The following DCDC1 variants were observed in gnomAD, a reference collection of about 807,000 sequenced individuals.
DCDC1 encodes the protein doublecortin domain containing 1.
DCDC1 carries 200 observed loss-of-function variants against 178.3 expected under a neutral mutation model. That is an observed-to-expected ratio of 1.12 (90% CI 1.00 to 1.26). The LOEUF (loss-of-function observed/expected upper bound fraction) is 1.26. DCDC1 is among the 50% of genes most tolerant of loss of function. The pLI, the probability that DCDC1 is intolerant of heterozygous loss-of-function variation, is 0.00. For synonymous variants in DCDC1, 690 were observed against 604.8 expected, an observed-to-expected ratio of 1.14 and a Z score of -2.07; for missense variants, 1,983 against 1,749.2, an observed-to-expected ratio of 1.13 and a Z score of -2.38.
At chr11:31,045,346 C>T (rs1054607279) in intron 20 of DCDC1, among the ~76,000 whole-genome samples, 2 of 151,388 alleles carry the variant, frequency 1.3e-5, no homozygotes, top group African/African-American at 4.9e-5. Flanking sequence ...AAATCCTTCC[C>T]TCTCCCTCAA....
intron 20 of DCDC1, among the ~76,000 whole-genome samples, chr11:31,028,127 A>G (rs1953363649): frequency 6.6e-6 from 1 of 152,058 alleles, no homozygotes; most frequent in Non-Finnish European, 1.5e-5. Context: ...TGCTATAAAT[A>G]ACATATAATA....
chr11:30,869,167 T>C (rs1464846190), intron 38 of DCDC1, among the ~76,000 whole-genome samples: 2 of 152,234 alleles, frequency 1.3e-5, no homozygotes, highest in East Asian at 3.9e-4. Context: ...AAAGGTACAG[T>C]TGGCAAAGTA....
chr11:31,083,213 C>T (rs1019493951), intron 17 of DCDC1, among the ~76,000 whole-genome samples: 5 of 152,064 alleles, frequency 3.3e-5, no homozygotes, highest in Non-Finnish European at 4.4e-5. Context: ...GAAAAATTAA[C>T]CTTGAAATAT....
chr11:30,967,757 C>T (rs1315167427), intron 20 of DCDC1, among the ~76,000 whole-genome samples: 2 of 152,110 alleles, frequency 1.3e-5, no homozygotes, highest in African/African-American at 4.8e-5. Context: ...CCAAACAGCT[C>T]TTAAAGTCTA....
chr11:31,262,407 A>G (rs1287631982), intron 8 of DCDC1, among the ~76,000 whole-genome samples: 1 of 152,216 alleles, frequency 6.6e-6, no homozygotes, highest in Non-Finnish European at 1.5e-5. Flanking sequence ...TATTTCTCAT[A>G]GCATAGAAGG....
chr11:31,063,795 C>T (rs1417865333), intron 20 of DCDC1, among the ~76,000 whole-genome samples: 1 of 152,062 alleles, frequency 6.6e-6, no homozygotes, highest in African/African-American at 2.4e-5. Context: ...AATTATATGG[C>T]TCCTTTAAGA....
chr11:30,891,101 C>A (rs1257494431), intron 36 of DCDC1, among the ~76,000 whole-genome samples: 2 of 152,090 alleles, frequency 1.3e-5, no homozygotes, highest in Non-Finnish European at 2.9e-5. Flanking sequence ...CCCAAGTAAA[C>A]CTTGGATATA....
chr11:30,867,568 G>A lies in DCDC1; in HGVS notation c.*41-2236C>T, dbSNP rs552291492. Reference sequence around the variant, plus strand: ...GCCAAGAAACTTTCCCAAGACTGCAGGAAGGTAAGACTCAAGTCAGGCCTT... The same window carrying A: ...GCCAAGAAACTTTCCCAAGACTGCAAGAAGGTAAGACTCAAGTCAGGCCTT... On this transcript the variant is annotated intron_variant, in intron 38 of 38. Transcript: ENST00000684477. Among the ~76,000 whole-genome samples, 16 of 152,256 alleles carry A rather than the reference G, an allele frequency of 1.1e-4. No individual in the cohort carries two copies. The South Asian group carries it at 3.1e-3, about 30-fold the overall frequency.
chr11:30,991,851 C>T (rs944108407), intron 20 of DCDC1, among the ~76,000 whole-genome samples: 1 of 152,094 alleles, frequency 6.6e-6, no homozygotes, highest in African/African-American at 2.4e-5. Context: ...GAGAAAACAG[C>T]TTTCATAATA....
At chr11:31,285,194 T>C (rs144093687) in intron 7 of DCDC1, among the ~76,000 whole-genome samples, 2,030 of 152,186 alleles carry the variant, frequency 0.013, 26 homozygotes, top group Non-Finnish European at 0.022. Context: ...TGGCTATTCA[T>C]AGAATCTTAA....
At chr11:31,267,923 G>A (rs543561698) in intron 7 of DCDC1, among the ~76,000 whole-genome samples, 1 of 152,162 alleles carries the variant, frequency 6.6e-6, no homozygotes, top group African/African-American at 2.4e-5. Flanking sequence ...TGGAGTGAAA[G>A]TAAAATGGAT....
rs553503825 is a variant in DCDC1 at position 30,868,443 on chromosome 11, G to A, written c.*41-3111C>T. On this transcript the variant is annotated intron_variant, in intron 38 of 38. Transcript: ENST00000684477. ...TTTTTGTATTTTTAGTAGAGATGGG[G>A]TTTCACCATGTTGGCCAGGCTGGTC... Among the ~76,000 whole-genome samples the A allele has an allele frequency of 3.3e-5, 5 of 151,872 alleles. 1 individual carries two copies. The highest frequency in any genetic ancestry group is 1.2e-4 in the African/African-American group (5 of 41,412).
intron 10 of DCDC1, among the ~76,000 whole-genome samples, chr11:31,131,840 C>T (rs1962480072): frequency 6.6e-6 from 1 of 152,102 alleles, no homozygotes; most frequent in Non-Finnish European, 1.5e-5. Context: ...TAGCAAGTCA[C>T]ACACAAAAAA....
intron 17 of DCDC1, among the ~76,000 whole-genome samples, chr11:31,081,009 C>T (rs1209174965): frequency 6.6e-6 from 1 of 152,156 alleles, no homozygotes; most frequent in African/African-American, 2.4e-5. Flanking sequence ...TGAGTTTCGA[C>T]TTTCTGAACT....
At chr11:30,945,706 ATC>A (rs1947983142) in intron 21 of DCDC1, among the ~76,000 whole-genome samples, 3 of 90,568 alleles carry the variant, frequency 3.3e-5, no homozygotes, top group Non-Finnish European at 7.3e-5. Context: ...AAATCTATCT[ATC>A]TATCTATCTA....
intron 3 of DCDC1, among the ~76,000 whole-genome samples, chr11:31,326,101 A>G (rs1949631328): frequency 1.3e-5 from 2 of 152,182 alleles, no homozygotes; most frequent in African/African-American, 2.4e-5. Context: ...GAAGAGGGTT[A>G]CTTCATTTTC....
intron 20 of DCDC1, among the ~76,000 whole-genome samples, chr11:31,007,174 A>G (rs572433315): frequency 1.3e-5 from 2 of 152,342 alleles, no homozygotes; most frequent in African/African-American, 4.8e-5. Context: ...GTGCATAGGA[A>G]GAATAAAAAA....
At chr11:31,278,930 A>G (rs901954339) in intron 7 of DCDC1, among the ~76,000 whole-genome samples, 1 of 152,138 alleles carries the variant, frequency 6.6e-6, no homozygotes, top group Admixed American at 6.6e-5. Context: ...ATTCCTTTGC[A>G]TTTCTAGCAT....
intron 10 of DCDC1, among the ~76,000 whole-genome samples, chr11:31,130,370 G>A (rs1962270629): frequency 6.6e-6 from 1 of 152,140 alleles, no homozygotes; most frequent in African/African-American, 2.4e-5. Flanking sequence ...ACGAACAGAA[G>A]TAACATATGC....
Sources: gnomAD v4.1 joint callset for allele counts (sites outside exome capture counted in the v4.1 genomes callset) on GRCh38, gnomAD v4.1.1 for gene constraint, MANE v1.5 for transcripts, NCBI Gene and HGNC (gene_info 2026-07-23, HGNC 2026-07-21) for gene names.